PKNOX2: variants seen among roughly 807,000 people sequenced by gnomAD.
PKNOX2 encodes PBX/knotted 1 homeobox 2, also known as homeobox protein PKNOX2.
A neutral mutation model predicts 53.1 loss-of-function variants in PKNOX2; 14 were observed. That is an observed-to-expected ratio of 0.26 (90% CI 0.17 to 0.41). PKNOX2 has a LOEUF of 0.41. Ranked by LOEUF, PKNOX2 falls within the 10% of genes least tolerant of loss-of-function variation. The pLI, the probability that PKNOX2 is intolerant of heterozygous loss-of-function variation, is 1.00. For synonymous variants in PKNOX2, 257 were observed against 242.8 expected, an observed-to-expected ratio of 1.06 and a Z score of -0.54; for missense variants, 496 against 602.8, an observed-to-expected ratio of 0.82 and a Z score of 1.85.
chr11:125,393,158 CAAAAAAA>C (rs571335360), intron 6 of PKNOX2, among the ~76,000 whole-genome samples: 1 of 70,250 alleles, frequency 1.4e-5, no homozygotes. Context: ...AGACTCGTCT[CAAAAAAA>C]AAAAAAAAAA....
chr11:125,428,455 T>C (rs959869912), intron 10 of PKNOX2, among the ~76,000 whole-genome samples: 2 of 152,152 alleles, frequency 1.3e-5, no homozygotes, highest in Non-Finnish European at 2.9e-5. Context: ...AAAATGATGA[T>C]TTTTTAATGA....
At chr11:125,300,579 GAGAC>G (rs1359651264) in intron 2 of PKNOX2, among the ~76,000 whole-genome samples, 2 of 152,124 alleles carry the variant, frequency 1.3e-5, no homozygotes, top group African/African-American at 4.8e-5. Flanking sequence ...GAGAAAAAGA[GAGAC>G]AGAGAGACAG....
chr11:125,380,447 A>C (rs891175926), intron 5 of PKNOX2, among the ~76,000 whole-genome samples: 1 of 152,042 alleles, frequency 6.6e-6, no homozygotes, highest in Non-Finnish European at 1.5e-5. Context: ...AGAGCGAAGA[A>C]GGGGTTTGGG....
chr11:125,327,648 G>A (rs138629896), intron 2 of PKNOX2, among the ~76,000 whole-genome samples: 4 of 152,162 alleles, frequency 2.6e-5, no homozygotes, highest in East Asian at 1.9e-4. Context: ...GAGGATGGCC[G>A]CGGCCATCAG....
At chr11:125,327,793 G>A (rs918730004) in intron 2 of PKNOX2, among the ~76,000 whole-genome samples, 1 of 152,356 alleles carries the variant, frequency 6.6e-6, no homozygotes, top group Non-Finnish European at 1.5e-5. Flanking sequence ...AGGCTGTTGG[G>A]AAACAAATGG....
At position 125,368,004 on chromosome 11, in the gene PKNOX2, G is replaced by T; in HGVS notation, c.227+19G>T. 6.2e-7 allele frequency: 1 copy of T among 1,609,762 alleles called. No individual in the cohort carries two copies. The highest frequency in any genetic ancestry group is 8.5e-7 in the Non-Finnish European group (1 of 1,178,080). On this transcript the variant is annotated intron_variant, in intron 5 of 12. Coordinates refer to ENST00000298282, the MANE Select transcript of PKNOX2 (RefSeq NM_001382323.2). ...TATACAGGTAGGAGACACTTCAGCT[G>T]TGTCTACAGCCCTCAACCAGCTTCA...
intron 2 of PKNOX2, among the ~76,000 whole-genome samples, chr11:125,265,801 A>C (rs1427041942): frequency 6.6e-6 from 1 of 152,188 alleles, no homozygotes; most frequent in Non-Finnish European, 1.5e-5. Context: ...CTGGCCACCA[A>C]GGATCTCATC....
rs60332384 is a variant in PKNOX2, at chr11:125,349,837, TCACACACA to T, written c.-22-1414_-22-1407del. 7.3e-3 allele frequency among the ~76,000 whole-genome samples: 1,005 copies of T among 138,122 alleles called. 43 individuals carry two copies. The highest frequency in any genetic ancestry group is 0.065 in the Admixed American group (897 of 13,894). 90.6% of individuals were successfully genotyped at this position (138,122 alleles called of 152,430 possible). ...ACTTCCTGAAAAAGAACCAAAAGAATCACACACACACACACACACACACACACACACAC... is the reference window on the plus strand; with the variant it reads ...ACTTCCTGAAAAAGAACCAAAAGAATCACACACACACACACACACACACAC... On this transcript the variant is annotated intron_variant, in intron 3 of 12. Transcript: ENST00000298282.
At chr11:125,426,691 A>C (rs1449790050) in intron 10 of PKNOX2, among the ~76,000 whole-genome samples, 1 of 151,848 alleles carries the variant, frequency 6.6e-6, no homozygotes, top group African/African-American at 2.4e-5. Context: ...AGTTCACTAC[A>C]CAATCCTTCA....
At chr11:125,398,604 C>T (rs1954555121) in intron 7 of PKNOX2, among the ~76,000 whole-genome samples, 1 of 152,230 alleles carries the variant, frequency 6.6e-6, no homozygotes, top group East Asian at 1.9e-4. Context: ...GGGCCATGGT[C>T]AAGGTCACCT....
At chr11:125,280,222 T>C (rs564739135) in intron 2 of PKNOX2, among the ~76,000 whole-genome samples, 2 of 152,118 alleles carry the variant, frequency 1.3e-5, no homozygotes, top group African/African-American at 4.8e-5. Flanking sequence ...GCGAGATAAT[T>C]GCACTATTCC....
chr11:125,242,674 C>T (rs994666033), intron 2 of PKNOX2, among the ~76,000 whole-genome samples: 1 of 151,612 alleles, frequency 6.6e-6, no homozygotes, highest in African/African-American at 2.4e-5. Context: ...GGGGGGAGGG[C>T]GGGTTGTGTG....
At chr11:125,426,537 T>G (rs1956434074) in intron 10 of PKNOX2, among the ~76,000 whole-genome samples, 1 of 151,808 alleles carries the variant, frequency 6.6e-6, no homozygotes, top group African/African-American at 2.4e-5. Flanking sequence ...CGTCTCCTTA[T>G]TGTGCTAGTT....
At chr11:125,403,057 G>A (rs1954849424) in intron 7 of PKNOX2, among the ~76,000 whole-genome samples, 1 of 152,134 alleles carries the variant, frequency 6.6e-6, no homozygotes, top group Non-Finnish European at 1.5e-5. Context: ...TTCCAATGTA[G>A]CAAGAAGTCT....
At chr11:125,206,475 A>G (rs1047620161) in intron 1 of PKNOX2, among the ~76,000 whole-genome samples, 4 of 152,052 alleles carry the variant, frequency 2.6e-5, no homozygotes, top group Non-Finnish European at 4.4e-5. Context: ...ATGAGTGGGA[A>G]AGCAGGCAGG....
chr11:125,394,622 A>C (rs1954273109), intron 6 of PKNOX2, among the ~76,000 whole-genome samples: 1 of 152,204 alleles, frequency 6.6e-6, no homozygotes, highest in Non-Finnish European at 1.5e-5. Context: ...CCTCACAGTC[A>C]CAATTCTCTG....
At chr11:125,388,199 C>T (rs1475590742) in intron 6 of PKNOX2, among the ~76,000 whole-genome samples, 3 of 152,092 alleles carry the variant, frequency 2.0e-5, no homozygotes, top group African/African-American at 7.2e-5. Flanking sequence ...AGAGGCCAAC[C>T]ACCGGAGCCA....
At chr11:125,218,968 C>G (rs1004676228) in intron 1 of PKNOX2, among the ~76,000 whole-genome samples, 5 of 152,136 alleles carry the variant, frequency 3.3e-5, no homozygotes, top group Non-Finnish European at 4.4e-5. Flanking sequence ...CTCTGGGTCA[C>G]AAGATGGTAG....
intron 1 of PKNOX2, among the ~76,000 whole-genome samples, chr11:125,210,764 C>G (rs1467902851): frequency 2.6e-5 from 4 of 152,038 alleles, no homozygotes; most frequent in Non-Finnish European, 4.4e-5. Flanking sequence ...TGGGAAAGTG[C>G]AGAGTTCAGG....
Sources: allele counts gnomAD v4.1 joint callset (sites outside exome capture counted in the v4.1 genomes callset), GRCh38; gene constraint gnomAD v4.1.1; transcripts MANE v1.5; gene names NCBI Gene and HGNC (gene_info 2026-07-23, HGNC 2026-07-21).